The following CR1 variants were observed in gnomAD, a reference collection of about 807,000 sequenced individuals.
CR1 encodes complement receptor type 1.
A neutral mutation model predicts 187.3 loss-of-function variants in CR1; 116 were observed. That is an observed-to-expected ratio of 0.62 (90% confidence interval 0.53 to 0.72). CR1 has a LOEUF of 0.72. Ranked by LOEUF, CR1 falls within the 30% of genes least tolerant of loss-of-function variation. The probability of loss-of-function intolerance (pLI) is 0.00; values close to 1 mark genes in which losing one functional copy is unlikely to be tolerated. For synonymous variants in CR1, 576 were observed against 747.1 expected (o/e 0.77, Z 3.73); for missense variants, 1,731 against 2,110.7 (o/e 0.82, Z 3.52).
At chr1:207,505,883 T>C in intron 1 of CR1, 21 bp from the exon 2 acceptor site, 1 of 1,596,340 alleles carries the variant, frequency 6.3e-7, no homozygotes, top group Non-Finnish European at 8.5e-7. Context: ...ACTTTGATGC[T>C]TCTATGGTCT....
intron 5 of CR1, among the ~76,000 whole-genome samples, chr1:207,525,859 T>A (rs746998425): frequency 1.5e-4 from 23 of 152,046 alleles, no homozygotes; most frequent in African/African-American, 4.6e-4. Context: ...ATTTACAAAC[T>A]CCCTAAAGAA....
intron 23 of CR1, among the ~76,000 whole-genome samples, chr1:207,564,544 A>G (rs1660429650): frequency 6.7e-6 from 1 of 150,268 alleles, no homozygotes; most frequent in Non-Finnish European, 1.5e-5. Context: ...TCACGTGTGT[A>G]ATCCCAGCAC....
At chr1:207,613,721 A>G (rs764807718) in intron 39 of CR1, among the ~76,000 whole-genome samples, 1 of 152,128 alleles carries the variant, frequency 6.6e-6, no homozygotes, top group Non-Finnish European at 1.5e-5. Flanking sequence ...TGATTTCCAA[A>G]GAATCTTCGG....
intron 29 of CR1, among the ~76,000 whole-genome samples, 172 bp downstream of exon 29, chr1:207,578,375 T>G (rs1175455862): frequency 6.6e-6 from 1 of 152,220 alleles, no homozygotes; most frequent in Non-Finnish European, 1.5e-5. Context: ...CCCATGCATA[T>G]GTGTCTTCAT....
At chr1:207,576,711 G>T (rs560701198) in intron 28 of CR1, among the ~76,000 whole-genome samples, 1 of 151,656 alleles carries the variant, frequency 6.6e-6, no homozygotes, top group African/African-American at 2.4e-5. Context: ...CCAACTACTC[G>T]GGAGACTGAG....
intron 43 of CR1, 103 bp downstream of exon 43, chr1:207,620,168 C>T (rs1199936356): frequency 8.5e-6 from 10 of 1,180,930 alleles, no homozygotes; most frequent in Admixed American, 2.7e-5. Context: ...ATGGCATATG[C>T]TATGAGCTAT....
Position 207,609,365 on chromosome 1 carries a change from G to C in CR1, c.5972G>C (p.Gly1991Ala), listed in dbSNP as rs750458018. Residue 1991 changes from glycine to alanine, a missense_variant, in exon 37 of 47, where the codon GGA becomes GCA. Gly to Ala is a moderately conservative substitution (Grantham distance 60). Around this residue, in one of 5 missense-constraint regions of CR1, gnomAD observed 1,312 missense variants for 1,379.6 expected, o/e 0.95. Transcript: ENST00000367049. Reference sequence around the variant, plus strand: ...AACAATAGAACATCTTTTCACAATGGAACGGTGGTAACTTACCAGTGCCAC... The same window carrying C: ...AACAATAGAACATCTTTTCACAATGCAACGGTGGTAACTTACCAGTGCCAC... ...YSNNRTSFHN[G>A]TVVTYQCHTG... 1.9e-6 allele frequency: 3 copies of C among 1,613,898 alleles called. No homozygotes were observed. The highest frequency in any genetic ancestry group is 1.3e-5 in the African/African-American group (1 of 75,000).
intron 24 of CR1, among the ~76,000 whole-genome samples, chr1:207,566,997 T>C (rs1220647317): frequency 1.3e-5 from 2 of 150,342 alleles, no homozygotes; most frequent in Non-Finnish European, 2.9e-5. Context: ...CAAGTGTCTG[T>C]TCTACTATCA....
rs1207998216 is a variant in CR1 at position 207,496,266 on chromosome 1, G to A, written c.-2G>A. The A allele has an allele frequency of 1.2e-6, 2 of 1,613,864 alleles. No individual in the cohort carries two copies. Among genetic ancestry groups the A allele is most frequent in the South Asian group, 1.1e-5 (1 of 91,076 alleles). On this transcript the variant is annotated 5_prime_UTR_variant, in exon 1 of 47. Transcript: ENST00000367049. Reference sequence around the variant, plus strand: ...TCTGGTTTGTAGATGTGCTTGGGGAGAATGGGGGCCTCTTCTCCAAGAAGC... The same window carrying A: ...TCTGGTTTGTAGATGTGCTTGGGGAAAATGGGGGCCTCTTCTCCAAGAAGC...
intron 45 of CR1, among the ~76,000 whole-genome samples, chr1:207,625,452 T>G (rs1662450923): frequency 6.6e-6 from 1 of 152,272 alleles, no homozygotes; most frequent in Admixed American, 6.5e-5. Flanking sequence ...AAACATTTTC[T>G]AAACTTTTAC....
Position 207,545,557 on chromosome 1 carries a change from C to CA in CR1, c.2414-19_2414-18insA, listed in dbSNP as rs1457966000. The CA allele has an allele frequency of 1.7e-3, 795 of 465,948 alleles. No individual in the cohort carries two copies. The highest frequency in any genetic ancestry group is 0.017 in the South Asian group (744 of 44,130). 28.9% of individuals were successfully genotyped at this position (465,948 alleles called of 1,614,324 possible). The stretch of plus-strand genomic sequence containing the variant: ...TCTCCACATGCCAGTGATTTCTGTT[C>CA]GTTTTTCTTTATCTCCAGTGAAATC... On this transcript the variant is annotated intron_variant, in intron 14 of 46. Coordinates refer to ENST00000367049, the MANE Select transcript of CR1 (RefSeq NM_000651.6).
At position 207,580,302 on chromosome 1, in the gene CR1, T is replaced by G. The variant is rs1158339739; in HGVS notation, c.4999T>G (p.Ser1667Ala). ...EHTPSHQDNF[S>A]PGQEVFYSCE... is the part of the protein sequence containing the mutation. ...TACCCCAAGCCATCAGGACAACTTT[T>G]CACCTGGGCAGGAAGTGTTCTACAG... Residue 1667 changes from serine (S) to alanine (A), a missense_variant, in exon 30 of 47, where the codon TCA becomes GCA. Around this residue, in one of 5 missense-constraint regions of CR1, gnomAD observed 1,312 missense variants for 1,379.6 expected, o/e 0.95. Transcript: ENST00000367049. The G allele has an allele frequency of 6.2e-7, 1 of 1,613,822 alleles. No homozygotes were observed. The highest frequency in any genetic ancestry group is 1.7e-5 in the Admixed American group (1 of 60,008).
chr1:207,523,360 T>C (rs1660056824), intron 4 of CR1, among the ~76,000 whole-genome samples: 2 of 152,180 alleles, frequency 1.3e-5, no homozygotes, highest in Admixed American at 1.3e-4. Context: ...AAAGAGCTAT[T>C]TAAAATGAAA....
intron 35 of CR1, among the ~76,000 whole-genome samples, chr1:207,599,252 A>C (rs1461686560): frequency 6.6e-6 from 1 of 152,232 alleles, no homozygotes; most frequent in Non-Finnish European, 1.5e-5. Flanking sequence ...ATATTTAAGC[A>C]AAAAAGCTCA....
rs372043685 is a variant in CR1 at position 207,567,858 on chromosome 1, T to G, written c.3987T>G (p.Asn1329Lys). 1.6e-5 allele frequency: 25 copies of G among 1,610,892 alleles called. No homozygotes were observed. The highest frequency in any genetic ancestry group is 2.0e-5 in the Non-Finnish European group (24 of 1,179,648). Residue 1329 changes from asparagine (N) to lysine (K), a missense_variant, in exon 25 of 47, where the codon AAT becomes AAG. Asn to Lys is a moderately conservative substitution (Grantham distance 94). Around this residue, in one of 5 missense-constraint regions of CR1, gnomAD observed 1,312 missense variants for 1,379.6 expected, o/e 0.95. Transcript: ENST00000367049. ...GTCCAAGTCCTCCAGTTATTCCTAA[T>G]GGGAGACACACAGGAAAACCTCTGG... The part of the protein sequence containing the change: ...IFCPSPPVIP[N>K]GRHTGKPLEV...
At chr1:207,581,780 G>C (rs144522791) in intron 31 of CR1, 138 bp from the exon 32 acceptor site, 161 of 519,148 alleles carry the variant, frequency 3.1e-4, no homozygotes, top group Non-Finnish European at 5.2e-4. Flanking sequence ...TAAGTGAGTT[G>C]AGTGTTTTCA....
At chr1:207,564,345 C>G in intron 23 of CR1, 111 bp downstream of exon 23, 1 of 1,496,656 alleles carries the variant, frequency 6.7e-7, no homozygotes, top group East Asian at 2.3e-5. Context: ...CACACACACA[C>G]CTTCAGAGAG....
intron 42 of CR1, among the ~76,000 whole-genome samples, 200 bp from the exon 43 acceptor site, chr1:207,619,680 A>T (rs914035489): frequency 6.6e-6 from 1 of 152,156 alleles, no homozygotes; most frequent in Non-Finnish European, 1.5e-5. Context: ...TCCATATTCT[A>T]TTACTTTACA....
intron 37 of CR1, among the ~76,000 whole-genome samples, 176 bp from the exon 38 acceptor site, chr1:207,611,501 T>C (rs902609671): frequency 6.6e-6 from 1 of 152,168 alleles, no homozygotes. Context: ...CTAGTCACAG[T>C]TCTGCTTGGT....
Sources: allele counts gnomAD v4.1 joint callset (sites outside exome capture counted in the v4.1 genomes callset), GRCh38; gene constraint gnomAD v4.1.1; regional missense constraint gnomAD v4.1.1; transcripts MANE v1.5; gene names NCBI Gene and HGNC (gene_info 2026-07-23, HGNC 2026-07-21).